MS4A5: variants seen among roughly 807,000 people sequenced by gnomAD.
MS4A5 encodes membrane spanning 4-domains A5, also known as membrane-spanning 4-domains subfamily A member 5.
MS4A5 carries 15 observed loss-of-function variants against 18.2 expected under a neutral mutation model. That is an observed-to-expected ratio of 0.83 (90% CI 0.55 to 1.27). The LOEUF (loss-of-function observed/expected upper bound fraction) is 1.27. Among genes scored for constraint, MS4A5 ranks in the 50% most tolerant of loss-of-function variants. The pLI is 0.00. For missense variants in MS4A5, 232 were observed against 225.7 expected (o/e 1.03, Z -0.18); for synonymous variants, 89 against 78.7 (o/e 1.13, Z -0.69).
chr11:60,437,320 G>T (rs1384855080), intron 4 of MS4A5, among the ~76,000 whole-genome samples: 1 of 150,034 alleles, frequency 6.7e-6, no homozygotes, highest in African/African-American at 2.4e-5. Context: ...GCAAAATCAT[G>T]CCAAAATGTA....
At chr11:60,432,542 C>A (rs139683622) in intron 3 of MS4A5, 75 bp downstream of exon 3, 128 of 922,922 alleles carry the variant, frequency 1.4e-4, no homozygotes, top group Non-Finnish European at 2.1e-4. Context: ...AATCCCAGCA[C>A]TTTGGGAGGC....
At chr11:60,442,589 C>G (rs2086119227) in intron 4 of MS4A5, among the ~76,000 whole-genome samples, 1 of 152,122 alleles carries the variant, frequency 6.6e-6, no homozygotes, top group Non-Finnish European at 1.5e-5. Context: ...AGCAAACCAC[C>G]ATTGCACATG....
At position 60,429,725 on chromosome 11, in the gene MS4A5, A is replaced by C. The variant is rs756192064; in HGVS notation, c.51A>C (p.Glu17Asp). 1.9e-6 allele frequency: 3 copies of C among 1,614,100 alleles called. No homozygotes were observed. The highest frequency in any genetic ancestry group is 2.5e-6 in the Non-Finnish European group (3 of 1,179,992). ...CGGTGTTTCTGGTATTTCCTCCAGAAATCACTGCTTCAGAATATGAGTCCA... is the reference window on the plus strand; with the variant it reads ...CGGTGTTTCTGGTATTTCCTCCAGACATCACTGCTTCAGAATATGAGTCCA... ...HSPVFLVFPPEITASEYESTE... is the reference protein window; with the variant it reads ...HSPVFLVFPPDITASEYESTE... The change falls in exon 1 of 5, where the codon GAA (glutamate) becomes GAC (aspartate). Residue 17 changes from glutamate to aspartate, a missense_variant. By Grantham distance (45) the Glu-to-Asp change is conservative (BLOSUM62 2). Transcript: ENST00000300190.
intron 4 of MS4A5, chr11:60,435,358 A>C (rs982810095): frequency 9.0e-6 from 4 of 442,068 alleles, no homozygotes; most frequent in African/African-American, 8.2e-5. Context: ...TTCTGATACT[A>C]AGTATATTAG....
intron 4 of MS4A5, among the ~76,000 whole-genome samples, chr11:60,442,121 A>G (rs539084819): frequency 3.3e-5 from 5 of 152,356 alleles, no homozygotes; most frequent in East Asian, 3.9e-4. Context: ...ATTGACCTAA[A>G]TGTCATATAT....
intron 4 of MS4A5, among the ~76,000 whole-genome samples, chr11:60,434,928 C>T (rs1020001996): frequency 6.6e-6 from 1 of 152,200 alleles, no homozygotes; most frequent in Admixed American, 6.5e-5. Flanking sequence ...CTTTGATAGG[C>T]TACTACGCTC....
At chr11:60,429,864 G>T (rs997171127) in intron 1 of MS4A5, 37 bp downstream of exon 1, 1 of 1,587,310 alleles carries the variant, frequency 6.3e-7, no homozygotes, top group Non-Finnish European at 8.6e-7. Context: ...TTTTACTGAG[G>T]CAGGGGAAAG....
chr11:60,435,747 G>A (rs1326364225), intron 4 of MS4A5, among the ~76,000 whole-genome samples: 12 of 152,226 alleles, frequency 7.9e-5, no homozygotes, highest in African/African-American at 2.4e-4. Context: ...GGCGCACCAC[G>A]AGATTATATC....
intron 3 of MS4A5, among the ~76,000 whole-genome samples, chr11:60,432,886 G>A (rs2086058677): frequency 6.6e-6 from 1 of 151,548 alleles, no homozygotes; most frequent in African/African-American, 2.4e-5. Context: ...AAAATCATTA[G>A]GTCACCATAA....
At chr11:60,435,808 G>C (rs2086076713) in intron 4 of MS4A5, among the ~76,000 whole-genome samples, 1 of 152,018 alleles carries the variant, frequency 6.6e-6, no homozygotes, top group Non-Finnish European at 1.5e-5. Flanking sequence ...CTGATTGCTA[G>C]CACAGCAGTC....
chr11:60,434,072 A>G (rs981741404), intron 4 of MS4A5, among the ~76,000 whole-genome samples, 155 bp downstream of exon 4: 1 of 152,210 alleles, frequency 6.6e-6, no homozygotes, highest in Non-Finnish European at 1.5e-5. Context: ...TAGACATTAC[A>G]CCAGGCATTG....
At chr11:60,441,103 AATG>A (rs2135177714) in intron 4 of MS4A5, among the ~76,000 whole-genome samples, 1 of 96,804 alleles carries the variant, frequency 1.0e-5, no homozygotes, top group African/African-American at 3.8e-5. Flanking sequence ...AGCCATAAAA[AATG>A]ATGAGTTCAT....
At chr11:60,431,016 G>C in intron 2 of MS4A5, 92 bp downstream of exon 2, 1 of 1,449,066 alleles carries the variant, frequency 6.9e-7, no homozygotes, top group Non-Finnish European at 9.2e-7. Flanking sequence ...CCAGTTGTAT[G>C]ACATGCTTTC....
chr11:60,433,710 G>C, intron 3 of MS4A5, 55 bp from the exon 4 acceptor site: 1 of 1,555,850 alleles, frequency 6.4e-7, no homozygotes, highest in East Asian at 2.2e-5. Flanking sequence ...TCATTGCTTT[G>C]TTTGTAGTAC....
rs552711723 is a variant in MS4A5 at position 60,434,768 on chromosome 11, AG to A, written c.492+852del. ...CAAGTGGAACTCTGAAGAGCATGAA[AG>A]CTACTTATGCCTTCAGACCCATTTG... On this transcript the variant is annotated intron_variant, in intron 4 of 4. Coordinates refer to ENST00000300190, the MANE Select transcript of MS4A5 (RefSeq NM_023945.3). Among the ~76,000 whole-genome samples, 578 of 152,324 alleles carry A rather than the reference AG, an allele frequency of 3.8e-3. 1 individual carries two copies. The highest frequency in any genetic ancestry group is 0.013 in the African/African-American group (557 of 41,564).
chr11:60,441,628 A>AG (rs2086113151), intron 4 of MS4A5, among the ~76,000 whole-genome samples: 1 of 151,142 alleles, frequency 6.6e-6, no homozygotes, highest in African/African-American at 2.4e-5. Flanking sequence ...AAGACTTGAA[A>AG]AAAAAAAAGA....
rs202086014 is a variant in MS4A5, at chr11:60,429,767, G to A, written c.93G>A (p.Thr31=). The change falls in exon 1 of 5, where the codon ACG becomes ACA. Residue 31 remains threonine (T), a synonymous_variant. Coordinates refer to ENST00000300190, the MANE Select transcript of MS4A5 (RefSeq NM_023945.3). ...SEYESTELSA[T]TFSTQSPLQK... The stretch of plus-strand genomic sequence containing the variant: ...ATGAGTCCACAGAACTTTCAGCCAC[G>A]ACCTTTTCAACTCAAAGCCCCTTGC... 131 of 1,613,954 alleles carry A rather than the reference G, an allele frequency of 8.1e-5. No homozygotes were observed. The East Asian group carries it at 1.8e-3, about 23-fold the overall frequency.
At chr11:60,435,923 T>G (rs943188549) in intron 4 of MS4A5, among the ~76,000 whole-genome samples, 1 of 152,176 alleles carries the variant, frequency 6.6e-6, no homozygotes, top group Non-Finnish European at 1.5e-5. Context: ...ACTGGGTGGA[T>G]CCCACGACAG....
rs748571195 is a variant in MS4A5, at chr11:60,433,723, G to C, written c.340-42G>C. ...ACTCATTGCTTTGTTTGTAGTACAG[G>C]CTGGACCTCAGTCACATTGTTATGT... On this transcript the variant is annotated intron_variant, in intron 3 of 4. Coordinates refer to ENST00000300190, the MANE Select transcript of MS4A5 (RefSeq NM_023945.3). 1.9e-6 allele frequency: 3 copies of C among 1,596,606 alleles called. No homozygotes were observed. In the Admixed American group the frequency reaches 5.0e-5, roughly 27 times the overall value.
Sources: gnomAD v4.1 joint callset for allele counts (sites outside exome capture counted in the v4.1 genomes callset) on GRCh38, gnomAD v4.1.1 for gene constraint, MANE v1.5 for transcripts, NCBI Gene and HGNC (gene_info 2026-07-23, HGNC 2026-07-21) for gene names.